The following SH3RF2 variants were observed in gnomAD, a reference collection of about 807,000 sequenced individuals.
SH3RF2 encodes SH3 domain containing ring finger 2, also known as E3 ubiquitin-protein ligase SH3RF2.
Under a neutral mutation model 59.0 loss-of-function variants are expected in SH3RF2, and 43 were observed. That is an observed-to-expected ratio of 0.73 (90% CI 0.57 to 0.94). SH3RF2 has a LOEUF of 0.94. SH3RF2 is among the 40% of genes least tolerant of loss of function. The pLI is 0.00. For missense variants in SH3RF2, 930 were observed against 940.1 expected, an observed-to-expected ratio of 0.99 and a Z score of 0.14; for synonymous variants, 391 against 391.5, an observed-to-expected ratio of 1.00 and a Z score of 0.01.
intron 4 of SH3RF2, among the ~76,000 whole-genome samples, chr5:146,012,052 C>T (rs2149991969): frequency 6.6e-6 from 1 of 152,192 alleles, no homozygotes; most frequent in Non-Finnish European, 1.5e-5. Context: ...TGAGATACGT[C>T]CCATCAATAC....
At position 146,000,211 on chromosome 5, in the gene SH3RF2, T is replaced by A. The variant is rs1760349004; in HGVS notation, c.532T>A (p.Ser178Thr). 6.2e-7 allele frequency: 1 copy of A among 1,613,474 alleles called. No homozygotes were observed. Among genetic ancestry groups the A allele is most frequent in the Non-Finnish European group, 8.5e-7 (1 of 1,179,768 alleles). ...CATCAGCGGGAACTTCCCAGCCAGC[T>A]CCGTGGAAGTCATCAAGCAGCTGCC... ...NGISGNFPAS[S>T]VEVIKQLPQP... The change falls in exon 3 of 10, where the codon TCC (serine) becomes ACC (threonine). Residue 178 changes from serine to threonine, a missense_variant. Physicochemically the swap from Ser to Thr is moderately conservative, Grantham distance 58. Coordinates refer to ENST00000359120, the MANE Select transcript of SH3RF2 (RefSeq NM_152550.4).
At chr5:146,023,295 G>T (rs2906821) in intron 5 of SH3RF2, among the ~76,000 whole-genome samples, 2,205 of 151,826 alleles carry the variant, frequency 0.015, 21 homozygotes, top group Non-Finnish European at 0.021. Context: ...TGCGACCTCC[G>T]CCTCCCAGGT....
intron 5 of SH3RF2, among the ~76,000 whole-genome samples, chr5:146,028,189 C>A (rs1400028744): frequency 1.3e-5 from 1 of 78,268 alleles, no homozygotes; most frequent in Admixed American, 1.5e-4. Flanking sequence ...CACACACACA[C>A]ACACACACAC....
intron 2 of SH3RF2, among the ~76,000 whole-genome samples, chr5:145,942,594 G>A (rs941565994): frequency 2.6e-5 from 4 of 152,182 alleles, no homozygotes; most frequent in African/African-American, 9.7e-5. Flanking sequence ...AGACAGTGGG[G>A]TTTTTGCTAA....
chr5:145,986,880 T>C (rs534237370), intron 2 of SH3RF2, among the ~76,000 whole-genome samples: 22 of 152,310 alleles, frequency 1.4e-4, no homozygotes, highest in Non-Finnish European at 2.6e-4. Flanking sequence ...GCCCAGGTGA[T>C]GTAAACTCCT....
intron 9 of SH3RF2, among the ~76,000 whole-genome samples, chr5:146,075,778 T>TAAAAAAAAAAAAAAA (rs56300547): frequency 6.5e-5 from 5 of 76,964 alleles, no homozygotes; most frequent in African/African-American, 1.8e-4. Flanking sequence ...AAATTCCATG[T>TAAAAAAAAAAAAAAA]AAAAAAAAAA....
At chr5:146,002,205 C>T (rs895705990) in intron 3 of SH3RF2, among the ~76,000 whole-genome samples, 1 of 152,202 alleles carries the variant, frequency 6.6e-6, no homozygotes, top group African/African-American at 2.4e-5. Context: ...AATCCCAGCA[C>T]TTTGGGAGAC....
At chr5:146,058,011 C>T (rs2906824) in intron 8 of SH3RF2, among the ~76,000 whole-genome samples, 1 of 150,246 alleles carries the variant, frequency 6.7e-6, no homozygotes, top group African/African-American at 2.5e-5. Context: ...ATTTAAAAAA[C>T]GAGAAATGTT....
intron 2 of SH3RF2, among the ~76,000 whole-genome samples, chr5:145,994,791 A>G (rs1760086055): frequency 6.6e-6 from 1 of 152,198 alleles, no homozygotes; most frequent in South Asian, 2.1e-4. Flanking sequence ...GACATTTGAA[A>G]TAATACACAC....
In SH3RF2 at chr5:146,000,058, G is replaced by A; in HGVS notation, c.379G>A (p.Val127Met). The stretch of plus-strand genomic sequence containing the variant: ...ATCTTATTGGTCTGTGCCATTGCAG[G>A]TGCCTCGAGCAAAGGCCTTATGCAA... Reference protein sequence around the residue: ...VPNVRIHMDGVPRAKALCNYR... With the variant: ...VPNVRIHMDGMPRAKALCNYR... The change falls in exon 3 of 10, where the codon GTG becomes ATG. Residue 127 changes from valine to methionine, a missense_variant and splice_region_variant. Coordinates refer to ENST00000359120, the MANE Select transcript of SH3RF2 (RefSeq NM_152550.4). 9.3e-6 allele frequency: 15 copies of A among 1,612,096 alleles called. No individual in the cohort carries two copies. The highest frequency in any genetic ancestry group is 1.3e-5 in the Non-Finnish European group (15 of 1,179,220).
chr5:146,077,190 T>C (rs989620400), intron 9 of SH3RF2, among the ~76,000 whole-genome samples: 1 of 152,086 alleles, frequency 6.6e-6, no homozygotes, highest in Non-Finnish European at 1.5e-5. Flanking sequence ...CCACCTGCCC[T>C]CCCCTCACAA....
chr5:146,013,599 C>A, intron 4 of SH3RF2, 148 bp from the exon 5 acceptor site: 1 of 742,804 alleles, frequency 1.3e-6, no homozygotes, highest in Non-Finnish European at 2.2e-6. Flanking sequence ...AAGATGGAAG[C>A]TGTTACTGTG....
At chr5:145,973,936 G>A (rs1759185711) in intron 2 of SH3RF2, among the ~76,000 whole-genome samples, 1 of 152,156 alleles carries the variant, frequency 6.6e-6, no homozygotes, top group South Asian at 2.1e-4. Context: ...AAATTTAGAG[G>A]CATAAAACAA....
chr5:146,080,273 G>A (rs887150873), exon 10 of SH3RF2: 1 of 152,080 alleles, frequency 6.6e-6, no homozygotes, highest in Non-Finnish European at 1.5e-5. Context: ...GGGGGAAGGG[G>A]TGTTAAGGGT....
exon 10 of SH3RF2, chr5:146,080,045 C>T (rs747583711): frequency 2.0e-5 from 3 of 152,172 alleles, no homozygotes; most frequent in Non-Finnish European, 4.4e-5. Flanking sequence ...TCCTTCGAAC[C>T]TGCTTGGCCG....
At chr5:146,020,249 TC>T (rs1478511569) in intron 5 of SH3RF2, among the ~76,000 whole-genome samples, 1 of 152,306 alleles carries the variant, frequency 6.6e-6, no homozygotes, top group Admixed American at 6.5e-5. Context: ...CTCTCCATGA[TC>T]TGGCTACAGT....
intron 5 of SH3RF2, among the ~76,000 whole-genome samples, chr5:146,019,711 A>G (rs917759135): frequency 6.6e-6 from 1 of 152,028 alleles, no homozygotes; most frequent in Non-Finnish European, 1.5e-5. Context: ...ATTTCACGAT[A>G]TTGTTTCTTC....
At chr5:146,021,870 C>CA (rs959583944) in intron 5 of SH3RF2, among the ~76,000 whole-genome samples, 2 of 151,882 alleles carry the variant, frequency 1.3e-5, no homozygotes, top group Non-Finnish European at 2.9e-5. Flanking sequence ...TGTTTCCCAC[C>CA]AAAAAATGAG....
Position 146,060,108 on chromosome 5 carries a change from C to G in SH3RF2, c.1798C>G (p.Leu600Val). 5 of 1,614,168 alleles carry G rather than the reference C, an allele frequency of 3.1e-6. No homozygotes were observed. The highest frequency in any genetic ancestry group is 4.2e-6 in the Non-Finnish European group (5 of 1,180,008). Residue 600 changes from leucine to valine, a missense_variant, in exon 9 of 10, where the codon CTC becomes GTC. Coordinates refer to ENST00000359120, the MANE Select transcript of SH3RF2 (RefSeq NM_152550.4). ...EAWIHSAASSLIMEDKEIPIK... is the reference protein window; with the variant it reads ...EAWIHSAASSVIMEDKEIPIK... ...CTGGATCCACTCCGCGGCCAGCTCC[C>G]TCATTATGGAAGACAAAGAAATCCC...
Sources: allele counts gnomAD v4.1 joint callset (sites outside exome capture counted in the v4.1 genomes callset), GRCh38; gene constraint gnomAD v4.1.1; transcripts MANE v1.5; gene names NCBI Gene and HGNC (gene_info 2026-07-23, HGNC 2026-07-21).